Variants in RFTN1 observed in about 807,000 individuals in gnomAD.
The protein encoded by RFTN1 is raftlin.
RFTN1 carries 26 observed loss-of-function variants against 46.5 expected under a neutral mutation model. The ratio of observed to expected loss-of-function variants is 0.56; its 90% confidence interval spans 0.41 to 0.78. The LOEUF (loss-of-function observed/expected upper bound fraction) is 0.78. RFTN1 is among the 30% of genes least tolerant of loss of function. The pLI, the probability that RFTN1 is intolerant of heterozygous loss-of-function variation, is 0.00. For missense variants in RFTN1, 693 were observed against 718.7 expected, an observed-to-expected ratio of 0.96 and a Z score of 0.41; for synonymous variants, 261 against 284.2, an observed-to-expected ratio of 0.92 and a Z score of 0.82.
chr3:16,461,654 T>C (rs1322702353), intron 2 of RFTN1, among the ~76,000 whole-genome samples: 1 of 152,206 alleles, frequency 6.6e-6, no homozygotes, highest in Non-Finnish European at 1.5e-5. Context: ...CAGACCAAAT[T>C]ACCTAGCTAC....
intron 6 of RFTN1, among the ~76,000 whole-genome samples, chr3:16,362,870 T>TC (rs980421852): frequency 7.9e-5 from 12 of 152,154 alleles, no homozygotes; most frequent in Non-Finnish European, 1.8e-4. Context: ...CCAGACTTTT[T>TC]CTCCATCCCC....
Position 16,466,119 on chromosome 3 carries a change from G to C in RFTN1, c.145+27606C>G, listed in dbSNP as rs2076086171. Reference sequence around the variant, plus strand: ...GCTCAATTTTGGGGTCCAAGCGCTTGAATGCAGGATACACCATGCACCACA... The same window carrying C: ...GCTCAATTTTGGGGTCCAAGCGCTTCAATGCAGGATACACCATGCACCACA... On this transcript the variant is annotated intron_variant, in intron 2 of 9. Transcript: ENST00000334133. The surrounding 1 kb of genome is among the most constrained non-coding windows in gnomAD (Gnocchi z 5.6). Among the ~76,000 whole-genome samples the C allele has an allele frequency of 6.6e-6, 1 of 152,184 alleles. No homozygotes were observed. The highest frequency in any genetic ancestry group is 2.4e-5 in the African/African-American group (1 of 41,450).
At chr3:16,397,239 A>C (rs2074490204) in intron 4 of RFTN1, among the ~76,000 whole-genome samples, 1 of 152,220 alleles carries the variant, frequency 6.6e-6, no homozygotes, top group African/African-American at 2.4e-5. Flanking sequence ...AAGTGAAATA[A>C]GGCAGACACG....
intron 2 of RFTN1, chr3:16,434,916 A>C (rs1379025903): frequency 1.3e-5 from 2 of 152,220 alleles, no homozygotes. Context: ...CAATATTTGA[A>C]AACACACTTT....
intron 2 of RFTN1, among the ~76,000 whole-genome samples, chr3:16,455,698 CTCT>C (rs1369055645): frequency 6.6e-6 from 1 of 152,184 alleles, no homozygotes; most frequent in Non-Finnish European, 1.5e-5. Flanking sequence ...CAGAGACACT[CTCT>C]TCTTAACTCC....
At chr3:16,463,881 C>T (rs2076046774) in intron 2 of RFTN1, among the ~76,000 whole-genome samples, 1 of 152,152 alleles carries the variant, frequency 6.6e-6, no homozygotes, top group African/African-American at 2.4e-5. Context: ...CTAAACCAAT[C>T]AGGAACTATT....
Position 16,341,305 on chromosome 3 carries a change from A to C in RFTN1, c.1147-14429T>G, listed in dbSNP as rs1016288083. Among the ~76,000 whole-genome samples, 1 of 152,230 alleles carries C rather than the reference A, an allele frequency of 6.6e-6. No individual in the cohort carries two copies. The highest frequency in any genetic ancestry group is 2.4e-5 in the African/African-American group (1 of 41,460). ...TGATCCAGCAATCATACTCCTTGGT[A>C]TTTACCCAAATAAGCTGAAAACTTT... On this transcript the variant is annotated intron_variant, in intron 7 of 9. Transcript: ENST00000334133. This position sits in a 1 kb window ranked among gnomAD's most constrained non-coding sequence, Gnocchi z 4.7.
rs2071600610 is a variant in RFTN1 at position 16,345,582 on chromosome 3, T to A, written c.1146+12350A>T. Among the ~76,000 whole-genome samples, 1 of 152,102 alleles carries A rather than the reference T, an allele frequency of 6.6e-6. No homozygotes were observed. Among genetic ancestry groups the A allele is most frequent in the Non-Finnish European group, 1.5e-5 (1 of 68,028 alleles). On this transcript the variant is annotated intron_variant, in intron 7 of 9. Coordinates refer to ENST00000334133, the MANE Select transcript of RFTN1 (RefSeq NM_015150.2). The surrounding 1 kb of genome is among the most constrained non-coding windows in gnomAD (Gnocchi z 5.2). ...GAAGGCTGAATTAACACCGCCTGACTGCTTGAACAGGAACGTCCATCTTCT... is the reference window on the plus strand; with the variant it reads ...GAAGGCTGAATTAACACCGCCTGACAGCTTGAACAGGAACGTCCATCTTCT...
chr3:16,433,170 A>C lies in RFTN1; in HGVS notation c.332+681T>G, dbSNP rs2075428357. ...ATACTGCTCTCTCCATCCCATCCTC[A>C]CTGTTTTTTTTTTTTAAAAAAATTA... On this transcript the variant is annotated intron_variant, in intron 3 of 9. Transcript: ENST00000334133. The surrounding 1 kb of genome is among the most constrained non-coding windows in gnomAD (Gnocchi z 4.4). Among the ~76,000 whole-genome samples, 1 of 113,558 alleles carries C rather than the reference A, an allele frequency of 8.8e-6. No individual in the cohort carries two copies. 74.5% of individuals were successfully genotyped at this position (113,558 alleles called of 152,430 possible).
chr3:16,404,328 A>AATATATATT lies in RFTN1; in HGVS notation c.441+5046_441+5047insAATATATAT, dbSNP rs1421301252. 1.2e-4 allele frequency among the ~76,000 whole-genome samples: 4 copies of AATATATATT among 32,608 alleles called. 1 individual carries two copies. The highest frequency in any genetic ancestry group is 7.9e-4 in the East Asian group (1 of 1,262). The allele number at this position is 32,608 out of a possible 152,430, so 21.4% of individuals were successfully genotyped here. A position where few individuals can be genotyped will look rare whatever the true frequency, so the allele number is the denominator to read the frequency against. ...GTAATATATATTATATATAATATAT[A>AATATATATT]ATATATAATATATATAATATATAAT... On this transcript the variant is annotated intron_variant, in intron 4 of 9. Transcript: ENST00000334133.
intron 7 of RFTN1, among the ~76,000 whole-genome samples, chr3:16,355,703 G>A (rs976887242): frequency 5.9e-5 from 9 of 152,194 alleles, no homozygotes; most frequent in African/African-American, 1.9e-4. Context: ...CTGCTAAAAC[G>A]CAGACTGCCA....
chr3:16,366,043 G>T (rs1401221267), intron 6 of RFTN1, among the ~76,000 whole-genome samples: 1 of 149,794 alleles, frequency 6.7e-6, no homozygotes, highest in Non-Finnish European at 1.5e-5. Flanking sequence ...CAGGCCAAGG[G>T]TATGAGGAAC....
At chr3:16,364,953 G>A (rs2073062614) in intron 6 of RFTN1, among the ~76,000 whole-genome samples, 1 of 152,200 alleles carries the variant, frequency 6.6e-6, no homozygotes, top group Non-Finnish European at 1.5e-5. Flanking sequence ...GGTGACATGG[G>A]TGTGCTCACC....
intron 4 of RFTN1, among the ~76,000 whole-genome samples, chr3:16,398,244 CAAAAAAAAAAAAAAAAAAAA>C (rs202032095): frequency 9.0e-5 from 10 of 110,854 alleles, no homozygotes; most frequent in South Asian, 2.7e-4. Context: ...AAGACTGTCT[CAAAAAAAAAAAAAAAAAAAA>C]AAAAAAAAAG....
rs1384716595 is a variant in RFTN1 at position 16,513,225 on chromosome 3, C to A, written c.-9+217G>T. On this transcript the variant is annotated intron_variant, in intron 1 of 9. Transcript: ENST00000334133. This position sits in a 1 kb window ranked among gnomAD's most constrained non-coding sequence, Gnocchi z 5.4. Reference sequence around the variant, plus strand: ...CCGTTCCCCGCAAAAAAAAGTTGGCCCAAGATCCAGGCGTCCCAAGGATCA... The same window carrying A: ...CCGTTCCCCGCAAAAAAAAGTTGGCACAAGATCCAGGCGTCCCAAGGATCA... 2 of 152,726 alleles carry A rather than the reference C, an allele frequency of 1.3e-5. No homozygotes were observed. The highest frequency in any genetic ancestry group is 2.9e-5 in the Non-Finnish European group (2 of 68,468). The allele number at this position is 152,726 out of a possible 1,614,324, so 9.5% of individuals were successfully genotyped here.
intron 3 of RFTN1, among the ~76,000 whole-genome samples, chr3:16,420,921 A>G (rs1428381996): frequency 1.3e-5 from 2 of 152,176 alleles, no homozygotes; most frequent in Non-Finnish European, 2.9e-5. Flanking sequence ...AAGAGCTCCC[A>G]GGTGATGCTG....
chr3:16,433,327 A>G lies in RFTN1; in HGVS notation c.332+524T>C, dbSNP rs2075433100. Among the ~76,000 whole-genome samples the G allele has an allele frequency of 6.6e-6, 1 of 152,140 alleles. No homozygotes were observed. The highest frequency in any genetic ancestry group is 1.5e-5 in the Non-Finnish European group (1 of 68,014). ...CCAAGCCCTGAAAATCTAAATCAAG[A>G]CCAAACCAATTATAGCATTTTATTT... On this transcript the variant is annotated intron_variant, in intron 3 of 9. Coordinates refer to ENST00000334133, the MANE Select transcript of RFTN1 (RefSeq NM_015150.2). This position sits in a 1 kb window ranked among gnomAD's most constrained non-coding sequence, Gnocchi z 4.4.
intron 2 of RFTN1, among the ~76,000 whole-genome samples, chr3:16,444,403 C>A (rs181370468): frequency 6.6e-6 from 1 of 152,132 alleles, no homozygotes; most frequent in South Asian, 2.1e-4. Context: ...CTTCATATCC[C>A]TATGGGTTTT....
In RFTN1 at chr3:16,513,581, G is replaced by A. The variant is rs1693771964; in HGVS notation, c.-148C>T. The A allele has an allele frequency of 1.3e-5, 2 of 152,384 alleles. No homozygotes were observed. The highest frequency in any genetic ancestry group is 4.0e-4 in the South Asian group (2 of 4,982). The allele number at this position is 152,384 out of a possible 1,614,324, so 9.4% of individuals were successfully genotyped here. On this transcript the variant is annotated 5_prime_UTR_variant, in exon 1 of 10. Coordinates refer to ENST00000334133, the MANE Select transcript of RFTN1 (RefSeq NM_015150.2). This position sits in a 1 kb window ranked among gnomAD's most constrained non-coding sequence, Gnocchi z 5.4. ...GCCGGTGGGTGGAGGCGTGGGCGGT[G>A]GCGCCGCGTGGTCGTGTGTCTGTCC... is the stretch of plus-strand genomic sequence containing the variant.
Sources: allele counts gnomAD v4.1 joint callset (sites outside exome capture counted in the v4.1 genomes callset), GRCh38; gene constraint gnomAD v4.1.1; non-coding constraint Gnocchi (gnomAD v3.1); transcripts MANE v1.5; gene names NCBI Gene and HGNC (gene_info 2026-07-23, HGNC 2026-07-21).